Variants in BCL7B observed in about 807,000 individuals in gnomAD.
The protein encoded by BCL7B is BAF chromatin remodeling complex subunit BCL7B.
BCL7B carries 11 observed loss-of-function variants against 26.5 expected under a neutral mutation model. That is an observed-to-expected ratio of 0.42 (90% confidence interval 0.26 to 0.69). BCL7B has a LOEUF of 0.69. Among genes scored for constraint, BCL7B ranks in the 30% least tolerant of loss-of-function variants. BCL7B has a pLI of 0.28. For synonymous variants in BCL7B, 111 were observed against 107.9 expected (o/e 1.03, Z -0.18); for missense variants, 215 against 264.4 (o/e 0.81, Z 1.30).
At chr7:73,543,475 G>T in intron 3 of BCL7B, 73 bp downstream of exon 3, 1 of 1,415,696 alleles carries the variant, frequency 7.1e-7, no homozygotes. Context: ...ACTGCACCTG[G>T]CCAATTCTTC....
chr7:73,555,778 A>G (rs1554584649), intron 1 of BCL7B, among the ~76,000 whole-genome samples: 1 of 152,180 alleles, frequency 6.6e-6, no homozygotes, highest in African/African-American at 2.4e-5. Flanking sequence ...ATGGGGTCTC[A>G]CTGTGTTGCC....
chr7:73,555,205 A>G (rs1792316886), intron 1 of BCL7B, among the ~76,000 whole-genome samples: 1 of 152,102 alleles, frequency 6.6e-6, no homozygotes, highest in Non-Finnish European at 1.5e-5. Context: ...TCAGGAGTTC[A>G]AGACCAGCTT....
chr7:73,555,799 T>G (rs1792338890), intron 1 of BCL7B, among the ~76,000 whole-genome samples: 1 of 152,064 alleles, frequency 6.6e-6, no homozygotes, highest in Non-Finnish European at 1.5e-5. Flanking sequence ...CAGGCTGGAG[T>G]GCCATGGCAT....
At chr7:73,540,380 T>G in intron 3 of BCL7B, 1 of 220,118 alleles carries the variant, frequency 4.5e-6, no homozygotes, top group South Asian at 9.2e-5. Flanking sequence ...ATAAGATGTG[T>G]AGAAAATGAC....
chr7:73,547,962 T>C (rs189347254), intron 2 of BCL7B, among the ~76,000 whole-genome samples: 196 of 151,716 alleles, frequency 1.3e-3, no homozygotes, highest in African/African-American at 4.5e-3. Context: ...TACCAAAAAA[T>C]ACAAAAATTA....
At chr7:73,543,446 G>C in intron 3 of BCL7B, 102 bp downstream of exon 3, 1 of 1,083,090 alleles carries the variant, frequency 9.2e-7, no homozygotes, top group Non-Finnish European at 1.4e-6. Flanking sequence ...CCAAAGTGCT[G>C]AGGTTACAGG....
At chr7:73,537,793 CAGG>C in intron 5 of BCL7B, 138 bp downstream of exon 5, 1 of 573,288 alleles carries the variant, frequency 1.7e-6, no homozygotes, top group Non-Finnish European at 3.0e-6. Flanking sequence ...GAGGCTGAAA[CAGG>C]AGAATTGCTT....
chr7:73,537,857 C>A (rs1487055421), intron 5 of BCL7B, 77 bp downstream of exon 5: 1 of 1,085,126 alleles, frequency 9.2e-7, no homozygotes. Flanking sequence ...CACCACTGCA[C>A]TCTAGTCTGG....
intron 4 of BCL7B, among the ~76,000 whole-genome samples, chr7:73,539,040 A>G (rs936005624): frequency 7.2e-5 from 11 of 152,038 alleles, no homozygotes; most frequent in Non-Finnish European, 1.5e-4. Flanking sequence ...GCTCACTGCA[A>G]CCTCTGCCTC....
Position 73,552,183 on chromosome 7 carries a change from A to T in BCL7B, c.152T>A (p.Val51Glu). The T allele has an allele frequency of 6.2e-7, 1 of 1,610,078 alleles. No homozygotes were observed. Among genetic ancestry groups the T allele is most frequent in the Non-Finnish European group, 8.5e-7 (1 of 1,178,920 alleles). Residue 51 changes from valine to glutamate, a missense_variant, in exon 2 of 6, where the codon GTG (valine) becomes GAG (glutamate). Transcript: ENST00000223368. ...TSLRIFKWVP[V>E]TDSKEKEKSK... ...CACACTTACCTCCTTGCTGTCTGTCACAGGAACCCACTTAAATATCCTCAG... is the reference window on the plus strand; with the variant it reads ...CACACTTACCTCCTTGCTGTCTGTCTCAGGAACCCACTTAAATATCCTCAG...
rs1563419209 is a variant in BCL7B, at chr7:73,536,356, C to T, written c.*942G>A. 2 of 151,864 alleles carry T rather than the reference C, an allele frequency of 1.3e-5. No individual in the cohort carries two copies. The highest frequency in any genetic ancestry group is 2.4e-5 in the African/African-American group (1 of 41,106). 9.4% of individuals were successfully genotyped at this position (151,864 alleles called of 1,614,324 possible). A position where few individuals can be genotyped will look rare whatever the true frequency, so the allele number is the denominator to read the frequency against. ...AGGAAGCACTCAGATACCAACAGGA[C>T]ATATTTCAAATAGTTTAATTTTAAA... On this transcript the variant is annotated 3_prime_UTR_variant, in exon 6 of 6. Coordinates refer to ENST00000223368, the MANE Select transcript of BCL7B (RefSeq NM_001707.4).
chr7:73,557,231 C>T (rs1792397085), intron 1 of BCL7B: 6 of 1,078,934 alleles, frequency 5.6e-6, no homozygotes, highest in Non-Finnish European at 6.7e-6. Context: ...GGCCGGAAGC[C>T]GGAATCCCCT....
chr7:73,557,619 A>G lies in BCL7B; in HGVS notation c.-41T>C. ...GGCGGGGGCCGGGGCACTGCTCCCA[A>G]GACACCGGGGATCGCGCGCCTCACG... On this transcript the variant is annotated 5_prime_UTR_variant, in exon 1 of 6. Transcript: ENST00000223368. 6.1e-6 allele frequency: 7 copies of G among 1,145,798 alleles called. No homozygotes were observed. Among genetic ancestry groups the G allele is most frequent in the Non-Finnish European group, 7.6e-6 (7 of 916,224 alleles). The allele number at this position is 1,145,798 out of a possible 1,614,324, so 71.0% of individuals were successfully genotyped here. A position where few individuals can be genotyped will look rare whatever the true frequency, so the allele number is the denominator to read the frequency against.
At chr7:73,556,581 T>C (rs1198726467) in intron 1 of BCL7B, among the ~76,000 whole-genome samples, 1 of 152,236 alleles carries the variant, frequency 6.6e-6, no homozygotes, top group East Asian at 1.9e-4. Context: ...CGATATAGTA[T>C]GTATCGGAGT....
At chr7:73,539,848 C>T in intron 4 of BCL7B, 34 bp downstream of exon 4, 1 of 1,603,082 alleles carries the variant, frequency 6.2e-7, no homozygotes, top group Non-Finnish European at 8.5e-7. Flanking sequence ...CAAGGCCCTT[C>T]TAGGAAACTC....
chr7:73,550,273 C>G (rs991223348), intron 2 of BCL7B, among the ~76,000 whole-genome samples: 1 of 152,176 alleles, frequency 6.6e-6, no homozygotes, highest in South Asian at 2.1e-4. Flanking sequence ...GGGCCAGGCA[C>G]GGTGGTTCAT....
chr7:73,553,958 G>T (rs1175460625), intron 1 of BCL7B, among the ~76,000 whole-genome samples: 4 of 148,192 alleles, frequency 2.7e-5, no homozygotes, highest in Non-Finnish European at 6.0e-5. Context: ...GGAGGAGATA[G>T]AACAAAGGAG....
chr7:73,542,079 T>G (rs1791790376), intron 3 of BCL7B, among the ~76,000 whole-genome samples: 1 of 152,238 alleles, frequency 6.6e-6, no homozygotes, highest in African/African-American at 2.4e-5. Context: ...TGTGATAGCC[T>G]GTGCACGCCT....
In BCL7B at chr7:73,540,039, G is replaced by A; in HGVS notation, c.279C>T (p.Asn93=). ...GATAGACGTCAGACACGGAACTCTG[G>A]TTGCTGTTTTCGTCTGAAAACCAAA... The part of the protein sequence containing the change: ...LLLEFQDENS[N]QSSVSDVYQL... The change falls in exon 4 of 6, where the codon AAC becomes AAT. Residue 93 remains asparagine, a synonymous_variant. Transcript: ENST00000223368. 1.2e-6 allele frequency: 2 copies of A among 1,613,888 alleles called. No individual in the cohort carries two copies. The highest frequency in any genetic ancestry group is 1.7e-6 in the Non-Finnish European group (2 of 1,179,998).
Sources: gnomAD v4.1 joint callset for allele counts (sites outside exome capture counted in the v4.1 genomes callset) on GRCh38, gnomAD v4.1.1 for gene constraint, MANE v1.5 for transcripts, NCBI Gene and HGNC (gene_info 2026-07-23, HGNC 2026-07-21) for gene names.